Variants in CTNNA3 observed in about 807,000 individuals in gnomAD.
CTNNA3 encodes the protein catenin alpha-3.
In CTNNA3, 76 loss-of-function variants were observed where a neutral mutation model predicts 95.7. The ratio of observed to expected loss-of-function variants is 0.79; its 90% CI spans 0.66 to 0.96. The LOEUF (loss-of-function observed/expected upper bound fraction) is 0.96. Among genes scored for constraint, CTNNA3 ranks in the 40% least tolerant of loss-of-function variants. CTNNA3 has a pLI of 0.00. For missense variants in CTNNA3, 1,191 were observed against 1,089.8 expected, an observed-to-expected ratio of 1.09 and a Z score of -1.31; for synonymous variants, 431 against 374.4, an observed-to-expected ratio of 1.15 and a Z score of -1.74.
intron 3 of CTNNA3, among the ~76,000 whole-genome samples, chr10:67,603,604 TAA>T (rs77287628): frequency 2.2e-5 from 3 of 137,174 alleles, no homozygotes; most frequent in Non-Finnish European, 4.8e-5. Context: ...CTTTAAACCG[TAA>T]AAAAAAAAAT....
rs146871491 is a variant in CTNNA3 at position 67,180,709 on chromosome 10, C to T, written c.844-189G>A. Among the ~76,000 whole-genome samples the T allele has an allele frequency of 1.2e-3, 187 of 152,182 alleles. No individual in the cohort carries two copies. In the East Asian group the frequency reaches 0.03, roughly 25 times the overall value. Reference sequence around the variant, plus strand: ...ATTCTGATAAATAATGAAAGTGATGCAATTATGAGCTTTTGTTCTAGCCTC... The same window carrying T: ...ATTCTGATAAATAATGAAAGTGATGTAATTATGAGCTTTTGTTCTAGCCTC... On this transcript the variant is annotated intron_variant, in intron 6 of 17. Coordinates refer to ENST00000433211, the MANE Select transcript of CTNNA3 (RefSeq NM_013266.4).
chr10:66,076,340 A>G (rs1258097741), intron 14 of CTNNA3, among the ~76,000 whole-genome samples: 1 of 151,718 alleles, frequency 6.6e-6, no homozygotes, highest in Non-Finnish European at 1.5e-5. Context: ...AAATTTTGAG[A>G]ACAAATTTAT....
At chr10:66,997,670 C>T (rs979722195) in intron 7 of CTNNA3, among the ~76,000 whole-genome samples, 6 of 152,290 alleles carry the variant, frequency 3.9e-5, no homozygotes, top group Middle Eastern at 3.4e-3. Flanking sequence ...CACATTTCTT[C>T]CCAAGCAAGT....
intron 12 of CTNNA3, among the ~76,000 whole-genome samples, chr10:66,363,502 G>C (rs2092691134): frequency 6.6e-6 from 1 of 152,090 alleles, no homozygotes; most frequent in Admixed American, 6.6e-5. Flanking sequence ...GATGATGCTG[G>C]CACCCTGATT....
At chr10:67,510,460 C>CT (rs139116294) in intron 5 of CTNNA3, among the ~76,000 whole-genome samples, 10,505 of 140,804 alleles carry the variant, frequency 0.075, 433 homozygotes, top group South Asian at 0.12. Context: ...TTCTTCACTT[C>CT]TTTTTTTTTT....
intron 10 of CTNNA3, among the ~76,000 whole-genome samples, chr10:66,540,007 AT>A (rs1354368798): frequency 6.6e-6 from 1 of 152,034 alleles, no homozygotes; most frequent in East Asian, 1.9e-4. Context: ...GGATTAACTC[AT>A]TTTCTGTCTA....
intron 5 of CTNNA3, among the ~76,000 whole-genome samples, chr10:67,508,420 T>C (rs1839497659): frequency 6.6e-6 from 1 of 152,136 alleles, no homozygotes; most frequent in Admixed American, 6.5e-5. Flanking sequence ...AAAAATAGTC[T>C]CTTCAATAAG....
At chr10:67,481,349 C>A (rs1848219570) in intron 5 of CTNNA3, among the ~76,000 whole-genome samples, 1 of 152,178 alleles carries the variant, frequency 6.6e-6, no homozygotes, top group Admixed American at 6.5e-5. Context: ...TCTCTCTTCA[C>A]TGACAATATG....
At chr10:66,451,723 G>A (rs1347852962) in intron 11 of CTNNA3, among the ~76,000 whole-genome samples, 1 of 151,890 alleles carries the variant, frequency 6.6e-6, no homozygotes, top group Non-Finnish European at 1.5e-5. Flanking sequence ...TTAAAATTGG[G>A]ATTATCCATT....
chr10:67,348,370 AT>A (rs1158958537), intron 5 of CTNNA3, among the ~76,000 whole-genome samples: 1 of 152,186 alleles, frequency 6.6e-6, no homozygotes, highest in African/African-American at 2.4e-5. Context: ...AACCTACAGA[AT>A]AGGAAAAAAT....
rs1048634771 is a variant in CTNNA3, at chr10:67,605,686, T to A, written c.292+1171A>T. Among the ~76,000 whole-genome samples the A allele has an allele frequency of 1.3e-4, 19 of 141,206 alleles. No individual in the cohort carries two copies. In the South Asian group the frequency reaches 4.2e-3, roughly 32 times the overall value. 92.6% of individuals were successfully genotyped at this position (141,206 alleles called of 152,430 possible). A position where few individuals can be genotyped will look rare whatever the true frequency, so the allele number is the denominator to read the frequency against. The stretch of plus-strand genomic sequence containing the variant: ...AATAAATTCACATAAATACAAAAAT[T>A]TTTTTTTTTGAGACGAAGTCTCGCT... On this transcript the variant is annotated intron_variant, in intron 3 of 17. Coordinates refer to ENST00000433211, the MANE Select transcript of CTNNA3 (RefSeq NM_013266.4).
intron 7 of CTNNA3, among the ~76,000 whole-genome samples, chr10:66,956,304 A>G (rs1257242919): frequency 1.3e-5 from 2 of 151,718 alleles, no homozygotes; most frequent in Non-Finnish European, 2.9e-5. Context: ...TTTGAAAACC[A>G]CTGGTAAGAG....
intron 5 of CTNNA3, among the ~76,000 whole-genome samples, chr10:67,331,600 T>C (rs543293587): frequency 1.3e-5 from 2 of 152,108 alleles, no homozygotes; most frequent in Non-Finnish European, 2.9e-5. Context: ...ACTCAGCTAT[T>C]CAAGTGATGT....
intron 12 of CTNNA3, among the ~76,000 whole-genome samples, chr10:66,289,187 G>T (rs2091638483): frequency 1.3e-5 from 2 of 151,564 alleles, no homozygotes; most frequent in African/African-American, 2.4e-5. Flanking sequence ...TACAGTAAAA[G>T]ATTATGGATT....
At chr10:66,123,887 C>T (rs1159623226) in intron 13 of CTNNA3, among the ~76,000 whole-genome samples, 2 of 152,168 alleles carry the variant, frequency 1.3e-5, no homozygotes, top group Non-Finnish European at 2.9e-5. Context: ...GCACAGGGAC[C>T]CTGGGCCTGG....
intron 9 of CTNNA3, among the ~76,000 whole-genome samples, chr10:66,747,280 A>C (rs1004214385): frequency 3.3e-5 from 5 of 152,332 alleles, no homozygotes; most frequent in African/African-American, 9.6e-5. Context: ...AACAAGGTCA[A>C]AATAACTCCT....
At chr10:66,520,347 G>A (rs1341599752) in intron 11 of CTNNA3, among the ~76,000 whole-genome samples, 2 of 146,040 alleles carry the variant, frequency 1.4e-5, no homozygotes, top group Non-Finnish European at 3.0e-5. Context: ...TGCCTCCTGG[G>A]TTCAAGCAAT....
chr10:66,780,782 G>A (rs1840503038), intron 7 of CTNNA3, among the ~76,000 whole-genome samples: 1 of 152,200 alleles, frequency 6.6e-6, no homozygotes, highest in Admixed American at 6.5e-5. Context: ...TAAATAAATA[G>A]AGAAATAGAA....
chr10:66,116,179 G>T (rs1348622552), intron 13 of CTNNA3, among the ~76,000 whole-genome samples: 1 of 152,188 alleles, frequency 6.6e-6, no homozygotes, highest in East Asian at 1.9e-4. Context: ...GATGTAGTCA[G>T]ATATAAGTGG....
Sources: gnomAD v4.1 joint callset for allele counts (sites outside exome capture counted in the v4.1 genomes callset) on GRCh38, gnomAD v4.1.1 for gene constraint, MANE v1.5 for transcripts, NCBI Gene and HGNC (gene_info 2026-07-23, HGNC 2026-07-21) for gene names.